The following C1QTNF2 variants were observed in gnomAD, a reference collection of about 807,000 sequenced individuals.
The protein encoded by C1QTNF2 is C1q and TNF related 2.
In C1QTNF2, 15 loss-of-function variants were observed where a neutral mutation model predicts 17.4. The observed-to-expected ratio is 0.86, with a 90% CI of 0.58 to 1.33. The LOEUF is 1.33. Ranked by LOEUF, C1QTNF2 falls within the 40% of genes most tolerant of loss-of-function variation. The probability of loss-of-function intolerance (pLI) is 0.00; values close to 1 mark genes in which losing one functional copy is unlikely to be tolerated. For synonymous variants in C1QTNF2, 154 were observed against 163.3 expected (o/e 0.94, Z 0.44); for missense variants, 381 against 392.3 (o/e 0.97, Z 0.24).
rs768806713 is a variant in C1QTNF2 at position 160,349,448 on chromosome 5, C to T, written c.578G>A (p.Gly193Glu). The T allele has an allele frequency of 1.2e-6, 2 of 1,614,034 alleles. No individual in the cohort carries two copies. The highest frequency in any genetic ancestry group is 1.7e-6 in the Non-Finnish European group (2 of 1,180,012). The change falls in exon 3 of 3, where the codon GGG becomes GAG. Residue 193 changes from glycine (G) to glutamate (E), a missense_variant. Gly to Glu is a moderately conservative substitution (Grantham distance 98, BLOSUM62 -2). Coordinates refer to ENST00000652664, the MANE Select transcript of C1QTNF2 (RefSeq NM_031908.6). This position sits in a 1 kb window ranked among gnomAD's most constrained non-coding sequence, Gnocchi z 4.3. ...SSGKFVCGVP[G>E]IYYFTYDITL... The stretch of plus-strand genomic sequence containing the variant: ...GATGTCGTAGGTGAAGTAGTAGATC[C>T]CAGGCACGCCGCAGACGAACTTGCC...
intron 1 of C1QTNF2, among the ~76,000 whole-genome samples, chr5:160,366,900 T>C (rs1055415031): frequency 2.9e-5 from 4 of 136,746 alleles, no homozygotes; most frequent in African/African-American, 5.1e-5. Context: ...GGTGCATGCC[T>C]GTAGTCCCAA....
Position 160,354,919 on chromosome 5 carries a change from G to A in C1QTNF2, c.93C>T (p.Ser31=). 2 of 1,600,560 alleles carry A rather than the reference G, an allele frequency of 1.2e-6. No individual in the cohort carries two copies. The highest frequency in any genetic ancestry group is 1.7e-6 in the Non-Finnish European group (2 of 1,174,046). ...AFARRDFRKG[S]PQLVCSLPGP... is the part of the protein sequence containing the mutation. ...CAGGCAGGCTGCAGACCAGTTGAGG[G>A]GAGCCTTTCCGGAAGTCCCTGCGAG... is the stretch of plus-strand genomic sequence containing the variant. Residue 31 remains serine (S), a synonymous_variant, in exon 2 of 3, where the codon TCC becomes TCT. Coordinates refer to ENST00000652664, the MANE Select transcript of C1QTNF2 (RefSeq NM_031908.6).
chr5:160,365,299 A>G (rs1764226769), intron 1 of C1QTNF2, among the ~76,000 whole-genome samples: 2 of 152,202 alleles, frequency 1.3e-5, no homozygotes, highest in African/African-American at 4.8e-5. Context: ...ACAGAATCTG[A>G]ACTTTGAAGG....
Position 160,349,827 on chromosome 5 carries a change from A to C in C1QTNF2, c.245-46T>G. ...TGTTATGGAGGGTCCTCACAGACCT[A>C]GGCAGAGGGGTGCGGTGCGGCTTGG... On this transcript the variant is annotated intron_variant, in intron 2 of 2. Coordinates refer to ENST00000652664, the MANE Select transcript of C1QTNF2 (RefSeq NM_031908.6). This position sits in a 1 kb window ranked among gnomAD's most constrained non-coding sequence, Gnocchi z 4.3. 2 of 1,502,138 alleles carry C rather than the reference A, an allele frequency of 1.3e-6. No individual in the cohort carries two copies. Among genetic ancestry groups the C allele is most frequent in the Middle Eastern group, 3.6e-4 (2 of 5,596 alleles). 93.1% of individuals were successfully genotyped at this position (1,502,138 alleles called of 1,614,324 possible).
rs112473457 is a variant in C1QTNF2 at position 160,349,023 on chromosome 5, A to C, written c.*145T>G. Reference sequence around the variant, plus strand: ...GAATAAAAAGGTTTGGATTTAATGAAGGGGAAAAAAAGAGGCAGAGGAGGT... The same window carrying C: ...GAATAAAAAGGTTTGGATTTAATGACGGGGAAAAAAAGAGGCAGAGGAGGT... On this transcript the variant is annotated 3_prime_UTR_variant, in exon 3 of 3. Transcript: ENST00000652664. This position sits in a 1 kb window ranked among gnomAD's most constrained non-coding sequence, Gnocchi z 4.3. 8 of 954,960 alleles carry C rather than the reference A, an allele frequency of 8.4e-6. No homozygotes were observed. In the East Asian group the frequency reaches 1.7e-4, roughly 20 times the overall value. 59.2% of individuals were successfully genotyped at this position (954,960 alleles called of 1,614,324 possible). A position where few individuals can be genotyped will look rare whatever the true frequency, so the allele number is the denominator to read the frequency against.
chr5:160,363,740 A>T (rs1442220503), intron 1 of C1QTNF2, among the ~76,000 whole-genome samples: 1 of 152,214 alleles, frequency 6.6e-6, no homozygotes, highest in African/African-American at 2.4e-5. Context: ...CAATAAGGGC[A>T]AGAGTCAGGC....
In C1QTNF2 at chr5:160,348,068, C is replaced by A. The variant is rs1481909188; in HGVS notation, c.*1100G>T. The A allele has an allele frequency of 6.6e-6, 1 of 152,194 alleles. No individual in the cohort carries two copies. The highest frequency in any genetic ancestry group is 1.5e-5 in the Non-Finnish European group (1 of 68,060). The allele number at this position is 152,194 out of a possible 1,614,324, so 9.4% of individuals were successfully genotyped here. ...TACCACATCCCGCCAGCACCTGGCA[C>A]TTTTACTGCAGCTTCTTAAGCCCCC... is the stretch of plus-strand genomic sequence containing the variant. On this transcript the variant is annotated 3_prime_UTR_variant, in exon 3 of 3. Coordinates refer to ENST00000652664, the MANE Select transcript of C1QTNF2 (RefSeq NM_031908.6).
At chr5:160,353,241 A>C (rs749319363) in intron 2 of C1QTNF2, among the ~76,000 whole-genome samples, 1 of 152,206 alleles carries the variant, frequency 6.6e-6, no homozygotes, top group Non-Finnish European at 1.5e-5. Flanking sequence ...ATGCCATACA[A>C]ATAAAAATTA....
Position 160,349,009 on chromosome 5 carries a change from T to G in C1QTNF2, c.*159A>C. 1.2e-6 allele frequency: 1 copy of G among 818,148 alleles called. No homozygotes were observed. The highest frequency in any genetic ancestry group is 2.6e-5 in the East Asian group (1 of 39,010). 50.7% of individuals were successfully genotyped at this position (818,148 alleles called of 1,614,324 possible). A position where few individuals can be genotyped will look rare whatever the true frequency, so the allele number is the denominator to read the frequency against. On this transcript the variant is annotated 3_prime_UTR_variant, in exon 3 of 3. Coordinates refer to ENST00000652664, the MANE Select transcript of C1QTNF2 (RefSeq NM_031908.6). This position sits in a 1 kb window ranked among gnomAD's most constrained non-coding sequence, Gnocchi z 4.3. ...ATAGATGGTTGGATGAATAAAAAGG[T>G]TTGGATTTAATGAAGGGGAAAAAAA... is the stretch of plus-strand genomic sequence containing the variant.
chr5:160,369,181 T>C (rs1764302627), intron 1 of C1QTNF2, among the ~76,000 whole-genome samples: 1 of 152,186 alleles, frequency 6.6e-6, no homozygotes, highest in African/African-American at 2.4e-5. Flanking sequence ...AGGGGGTGTG[T>C]GGGCTTTTAC....
intron 1 of C1QTNF2, among the ~76,000 whole-genome samples, chr5:160,362,452 C>T (rs535234849): frequency 6.6e-6 from 1 of 152,340 alleles, no homozygotes; most frequent in South Asian, 2.1e-4. Flanking sequence ...AACACTTCTG[C>T]CCAACTCTCT....
At chr5:160,354,584 GAA>G (rs200801719) in intron 2 of C1QTNF2, among the ~76,000 whole-genome samples, 182 bp downstream of exon 2, 2 of 27,508 alleles carry the variant, frequency 7.3e-5, no homozygotes, top group Non-Finnish European at 1.3e-4. Context: ...GTCTCAAGGG[GAA>G]AAAAAAAAAA....
intron 1 of C1QTNF2, among the ~76,000 whole-genome samples, chr5:160,358,238 C>G (rs1764087557): frequency 6.6e-6 from 1 of 152,206 alleles, no homozygotes; most frequent in South Asian, 2.1e-4. Flanking sequence ...AGACTAGATT[C>G]TAGTTCCAAA....
chr5:160,356,802 C>T (rs1320184852), intron 1 of C1QTNF2, among the ~76,000 whole-genome samples: 1 of 152,154 alleles, frequency 6.6e-6, no homozygotes, highest in African/African-American at 2.4e-5. Flanking sequence ...TCTGCTTGGC[C>T]CCTGGCTCTT....
Position 160,349,473 on chromosome 5 carries a change from C to G in C1QTNF2, c.553G>C (p.Gly185Arg). 1 of 1,614,054 alleles carries G rather than the reference C, an allele frequency of 6.2e-7. No homozygotes were observed. The highest frequency in any genetic ancestry group is 8.5e-7 in the Non-Finnish European group (1 of 1,180,032). Residue 185 changes from glycine (G) to arginine (R), a missense_variant, in exon 3 of 3, where the codon GGC becomes CGC. Physicochemically the swap from Gly to Arg is moderately radical, Grantham distance 125 (BLOSUM62 -2). Coordinates refer to ENST00000652664, the MANE Select transcript of C1QTNF2 (RefSeq NM_031908.6). This position sits in a 1 kb window ranked among gnomAD's most constrained non-coding sequence, Gnocchi z 4.3. Reference sequence around the variant, plus strand: ...CCAGGCACGCCGCAGACGAACTTGCCGCTGGAAGCATTGTAGTGGCCACCC... The same window carrying G: ...CCAGGCACGCCGCAGACGAACTTGCGGCTGGAAGCATTGTAGTGGCCACCC... ...NEGGHYNASSGKFVCGVPGIY... is the reference protein window; with the variant it reads ...NEGGHYNASSRKFVCGVPGIY...
At position 160,349,719 on chromosome 5, in the gene C1QTNF2, C is replaced by T; in HGVS notation, c.307G>A (p.Gly103Arg). ...PGPKGKAGAI[G>R]RAGPRGPKGV... Reference sequence around the variant, plus strand: ...TTGGGGCCACGGGGGCCAGCCCGCCCAATGGCCCCGGCTTTGCCCTTTGGT... The same window carrying T: ...TTGGGGCCACGGGGGCCAGCCCGCCTAATGGCCCCGGCTTTGCCCTTTGGT... Residue 103 changes from glycine (G) to arginine (R), a missense_variant, in exon 3 of 3, where the codon GGG (glycine) becomes AGG (arginine). Coordinates refer to ENST00000652664, the MANE Select transcript of C1QTNF2 (RefSeq NM_031908.6). This position sits in a 1 kb window ranked among gnomAD's most constrained non-coding sequence, Gnocchi z 4.3. The T allele has an allele frequency of 1.3e-6, 2 of 1,571,556 alleles. No homozygotes were observed. The highest frequency in any genetic ancestry group is 1.7e-6 in the Non-Finnish European group (2 of 1,164,564).
chr5:160,366,688 A>G (rs968458800), intron 1 of C1QTNF2, among the ~76,000 whole-genome samples: 1 of 152,226 alleles, frequency 6.6e-6, no homozygotes, highest in Non-Finnish European at 1.5e-5. Flanking sequence ...GTAAAATTCA[A>G]ATTTAGTCAT....
chr5:160,348,821 C>A lies in C1QTNF2; in HGVS notation c.*347G>T, dbSNP rs532073516. The A allele has an allele frequency of 1.0e-5, 2 of 196,982 alleles. No homozygotes were observed. The highest frequency in any genetic ancestry group is 2.3e-5 in the African/African-American group (1 of 43,266). 12.2% of individuals were successfully genotyped at this position (196,982 alleles called of 1,614,324 possible). ...TCAACCATGGCATGTTCATTTCTATCCTGGCATAATATTATATTATTTGCT... is the reference window on the plus strand; with the variant it reads ...TCAACCATGGCATGTTCATTTCTATACTGGCATAATATTATATTATTTGCT... On this transcript the variant is annotated 3_prime_UTR_variant, in exon 3 of 3. Coordinates refer to ENST00000652664, the MANE Select transcript of C1QTNF2 (RefSeq NM_031908.6).
Position 160,357,980 on chromosome 5 carries a change from C to G in C1QTNF2, c.-9-2960G>C, listed in dbSNP as rs1428265036. Among the ~76,000 whole-genome samples the G allele has an allele frequency of 2.6e-5, 4 of 152,260 alleles. No individual in the cohort carries two copies. In the East Asian group the frequency reaches 7.7e-4, roughly 29 times the overall value. On this transcript the variant is annotated intron_variant, in intron 1 of 2. Coordinates refer to ENST00000652664, the MANE Select transcript of C1QTNF2 (RefSeq NM_031908.6). The stretch of plus-strand genomic sequence containing the variant: ...CTTCTGACCTCCATGCCCAGCCACA[C>G]AGGCTCCACAAGAGGAAGGCGGATT...
Sources: allele counts gnomAD v4.1 joint callset (sites outside exome capture counted in the v4.1 genomes callset), GRCh38; gene constraint gnomAD v4.1.1; non-coding constraint Gnocchi (gnomAD v3.1); transcripts MANE v1.5; gene names NCBI Gene and HGNC (gene_info 2026-07-23, HGNC 2026-07-21).